The following PDE4D variants were observed in gnomAD, a reference collection of about 807,000 sequenced individuals.
PDE4D encodes the protein phosphodiesterase 4D.
PDE4D carries 24 observed loss-of-function variants against 87.4 expected under a neutral mutation model. That is an observed-to-expected ratio of 0.27 (90% CI 0.20 to 0.39). The LOEUF is 0.39. Ranked by LOEUF, PDE4D falls within the 10% of genes least tolerant of loss-of-function variation. The pLI is 1.00. For missense variants in PDE4D, 714 were observed against 1,041.0 expected (o/e 0.69, Z 4.32); for synonymous variants, 384 against 383.2 (o/e 1.00, Z -0.02).
At chr5:60,296,023 G>A (rs1381711398) in intron 1 of PDE4D, among the ~76,000 whole-genome samples, 2 of 152,168 alleles carry the variant, frequency 1.3e-5, no homozygotes, top group African/African-American at 4.8e-5. Context: ...TCCTCACATG[G>A]TGGAAGAGTT....
intron 1 of PDE4D, among the ~76,000 whole-genome samples, chr5:59,522,490 G>T (rs1812416573): frequency 1.3e-5 from 2 of 152,142 alleles, no homozygotes; most frequent in Admixed American, 6.5e-5. Context: ...AGTTACTTCT[G>T]GGTGTGCCTC....
intron 2 of PDE4D, among the ~76,000 whole-genome samples, chr5:60,027,629 G>A (rs534545207): frequency 2.0e-5 from 3 of 152,206 alleles, no homozygotes; most frequent in South Asian, 2.1e-4. Flanking sequence ...CACTGTAAGC[G>A]TCATCACAGG....
At chr5:59,086,120 T>G (rs1336144053) in intron 5 of PDE4D, among the ~76,000 whole-genome samples, 2 of 152,180 alleles carry the variant, frequency 1.3e-5, no homozygotes, top group Admixed American at 1.3e-4. Flanking sequence ...GAAGGTTACA[T>G]AACCTGCCAA....
intron 2 of PDE4D, among the ~76,000 whole-genome samples, chr5:60,115,040 C>A (rs556607068): frequency 6.6e-6 from 1 of 151,660 alleles, no homozygotes; most frequent in Admixed American, 6.6e-5. Flanking sequence ...TAGAAAAAAA[C>A]GGACAGTATT....
At chr5:59,339,459 G>T (rs1778320522) in intron 1 of PDE4D, among the ~76,000 whole-genome samples, 2 of 152,194 alleles carry the variant, frequency 1.3e-5, no homozygotes, top group African/African-American at 4.8e-5. Context: ...GGGAGGAGGT[G>T]TTCTGTGGCA....
chr5:59,583,281 T>G lies in PDE4D; in HGVS notation c.455+309887A>C, dbSNP rs531106964. Among the ~76,000 whole-genome samples the G allele has an allele frequency of 3.3e-5, 5 of 152,356 alleles. No homozygotes were observed. The South Asian group carries it at 1.0e-3, about 32-fold the overall frequency. Reference sequence around the variant, plus strand: ...CCTGGCATGTGATTCCAGGTCATAATGCTTCTAAAGGTCCTCTTAACTGCT... The same window carrying G: ...CCTGGCATGTGATTCCAGGTCATAAGGCTTCTAAAGGTCCTCTTAACTGCT... On this transcript the variant is annotated intron_variant, in intron 1 of 14. Transcript: ENST00000340635.
At chr5:59,275,233 G>T in intron 1 of PDE4D, 2 of 883,470 alleles carry the variant, frequency 2.3e-6, no homozygotes, top group Non-Finnish European at 1.8e-6. Flanking sequence ...CGCCAATACT[G>T]CCTTCTTTCA....
At chr5:60,062,583 A>C (rs1190121616) in intron 2 of PDE4D, among the ~76,000 whole-genome samples, 2 of 152,226 alleles carry the variant, frequency 1.3e-5, no homozygotes, top group Non-Finnish European at 2.9e-5. Flanking sequence ...CTAGAGGAAT[A>C]TAAATAATTC....
At position 59,022,541 on chromosome 5, in the gene PDE4D, C is replaced by G. The variant is rs547987299; in HGVS notation, c.921+16318G>C. 9.2e-5 allele frequency among the ~76,000 whole-genome samples: 14 copies of G among 152,312 alleles called. No homozygotes were observed. In the South Asian group the frequency reaches 2.9e-3, roughly 32 times the overall value. ...CTTCCGTGAGTTTATCCTATATCTT[C>G]TCTATCTGCTGTCTGCTTCCCACTA... is the stretch of plus-strand genomic sequence containing the variant. On this transcript the variant is annotated intron_variant, in intron 6 of 14. Coordinates refer to ENST00000340635, the MANE Select transcript of PDE4D (RefSeq NM_001104631.2).
chr5:59,663,112 G>T (rs775660357), intron 1 of PDE4D, among the ~76,000 whole-genome samples: 1 of 151,928 alleles, frequency 6.6e-6, no homozygotes, highest in Non-Finnish European at 1.5e-5. Context: ...CACTTACATA[G>T]GAAATAAGAT....
chr5:59,617,796 T>C (rs1169455533), intron 1 of PDE4D, among the ~76,000 whole-genome samples: 1 of 152,192 alleles, frequency 6.6e-6, no homozygotes, highest in African/African-American at 2.4e-5. Flanking sequence ...CATTTCTGTT[T>C]AAACCACTCT....
At chr5:59,737,746 T>G (rs1262935366) in intron 1 of PDE4D, among the ~76,000 whole-genome samples, 1 of 152,128 alleles carries the variant, frequency 6.6e-6, no homozygotes, top group East Asian at 1.9e-4. Context: ...ACCCAATGTT[T>G]AAATCATTAG....
chr5:59,213,953 G>C (rs751313826), intron 2 of PDE4D, among the ~76,000 whole-genome samples: 3 of 150,266 alleles, frequency 2.0e-5, no homozygotes, highest in Non-Finnish European at 4.4e-5. Flanking sequence ...CACCATGTAC[G>C]TACTCATTCA....
chr5:59,398,321 A>G (rs1789901164), intron 1 of PDE4D, among the ~76,000 whole-genome samples: 1 of 134,978 alleles, frequency 7.4e-6, no homozygotes, highest in African/African-American at 2.9e-5. Flanking sequence ...CATTGATGCA[A>G]AAATCCTCAA....
intron 1 of PDE4D, among the ~76,000 whole-genome samples, chr5:60,209,667 C>T (rs901916901): frequency 4.6e-5 from 7 of 150,814 alleles, no homozygotes; most frequent in African/African-American, 9.8e-5. Context: ...ATTACACTTA[C>T]GCTGGCAGAG....
chr5:59,284,152 G>C (rs1766407368), intron 1 of PDE4D, among the ~76,000 whole-genome samples: 1 of 152,068 alleles, frequency 6.6e-6, no homozygotes. Context: ...GTTAAATCAG[G>C]ACTACGCCTC....
intron 1 of PDE4D, among the ~76,000 whole-genome samples, chr5:59,880,256 C>T (rs1749244120): frequency 6.6e-6 from 1 of 152,060 alleles, no homozygotes; most frequent in Non-Finnish European, 1.5e-5. Flanking sequence ...ATCAGAGGTG[C>T]ACGCCACCAC....
At chr5:59,847,948 G>A (rs1744108517) in intron 1 of PDE4D, among the ~76,000 whole-genome samples, 1 of 152,042 alleles carries the variant, frequency 6.6e-6, no homozygotes, top group Non-Finnish European at 1.5e-5. Context: ...GAAGGTTCAA[G>A]TATTTCATTA....
chr5:59,446,017 A>T (rs895858959), intron 1 of PDE4D, among the ~76,000 whole-genome samples: 1 of 152,182 alleles, frequency 6.6e-6, no homozygotes, highest in African/African-American at 2.4e-5. Context: ...CTGAGCTAAT[A>T]TAATTTGCCA....
Sources: gnomAD v4.1 joint callset for allele counts (sites outside exome capture counted in the v4.1 genomes callset) on GRCh38, gnomAD v4.1.1 for gene constraint, MANE v1.5 for transcripts, NCBI Gene and HGNC (gene_info 2026-07-23, HGNC 2026-07-21) for gene names.